PPM1L: variants seen among roughly 807,000 people sequenced by gnomAD.
PPM1L encodes the protein protein phosphatase, Mg2+/Mn2+ dependent 1L, also known as protein phosphatase 1L.
In PPM1L, 13 loss-of-function variants were observed where a neutral mutation model predicts 31.4. The ratio of observed to expected loss-of-function variants is 0.41; its 90% CI spans 0.27 to 0.66. PPM1L has a LOEUF of 0.66. Ranked by LOEUF, PPM1L falls within the 30% of genes least tolerant of loss-of-function variation. The pLI, the probability that PPM1L is intolerant of heterozygous loss-of-function variation, is 0.29. For missense variants in PPM1L, 326 were observed against 453.7 expected, an observed-to-expected ratio of 0.72 and a Z score of 2.56; for synonymous variants, 184 against 175.4, an observed-to-expected ratio of 1.05 and a Z score of -0.39.
Position 160,993,696 on chromosome 3 carries a change from C to T in PPM1L, c.574+31786C>T, listed in dbSNP as rs1421688222. Among the ~76,000 whole-genome samples, 4 of 152,114 alleles carry T rather than the reference C, an allele frequency of 2.6e-5. No homozygotes were observed. The East Asian group carries it at 7.7e-4, about 29-fold the overall frequency. ...AAGGTAAGCCTGACATGCCGCTAGA[C>T]ATGAGAACTGCAATAAGCAATCTCT... On this transcript the variant is annotated intron_variant, in intron 2 of 3. Coordinates refer to ENST00000498165, the MANE Select transcript of PPM1L (RefSeq NM_139245.4).
intron 1 of PPM1L, among the ~76,000 whole-genome samples, chr3:160,959,022 C>A (rs1328498565): frequency 6.6e-6 from 1 of 152,118 alleles, no homozygotes; most frequent in Non-Finnish European, 1.5e-5. Flanking sequence ...GCACAATTCA[C>A]AATTGCAAAA....
chr3:160,955,467 C>T (rs149469747), intron 1 of PPM1L, among the ~76,000 whole-genome samples: 64 of 152,056 alleles, frequency 4.2e-4, no homozygotes, highest in African/African-American at 1.3e-3. Context: ...TAATTTATCT[C>T]GGGATTCATG....
chr3:160,787,167 G>A (rs1165772925), intron 1 of PPM1L, among the ~76,000 whole-genome samples: 1 of 152,134 alleles, frequency 6.6e-6, no homozygotes. Context: ...TAAGCTCTTT[G>A]AGAAATCTCC....
intron 2 of PPM1L, among the ~76,000 whole-genome samples, chr3:160,995,374 G>A (rs1386519959): frequency 6.6e-6 from 1 of 152,092 alleles, no homozygotes; most frequent in African/African-American, 2.4e-5. Context: ...AGGCTGGAGT[G>A]AAATGGCACA....
Position 161,073,490 on chromosome 3 carries a change from A to T in PPM1L, c.*4333A>T, listed in dbSNP as rs1719998848. ...GTTAATAAAAGCAGTGTTAAGAAGTAGTATGACTTAATATGACCAACAGCA... is the reference window on the plus strand; with the variant it reads ...GTTAATAAAAGCAGTGTTAAGAAGTTGTATGACTTAATATGACCAACAGCA... On this transcript the variant is annotated 3_prime_UTR_variant, in exon 4 of 4. Coordinates refer to ENST00000498165, the MANE Select transcript of PPM1L (RefSeq NM_139245.4). The T allele has an allele frequency of 6.6e-6, 1 of 152,226 alleles. No individual in the cohort carries two copies. Among genetic ancestry groups the T allele is most frequent in the Admixed American group, 6.5e-5 (1 of 15,280 alleles). The allele number at this position is 152,226 out of a possible 1,614,324, so 9.4% of individuals were successfully genotyped here. A position where few individuals can be genotyped will look rare whatever the true frequency, so the allele number is the denominator to read the frequency against.
chr3:161,053,328 A>G (rs986174261), intron 2 of PPM1L, among the ~76,000 whole-genome samples: 1 of 152,156 alleles, frequency 6.6e-6, no homozygotes, highest in African/African-American at 2.4e-5. Flanking sequence ...ATGCCCAGAG[A>G]GTATATATGA....
At chr3:160,912,253 T>C (rs1714001625) in intron 1 of PPM1L, among the ~76,000 whole-genome samples, 1 of 152,188 alleles carries the variant, frequency 6.6e-6, no homozygotes, top group African/African-American at 2.4e-5. Context: ...GGCAAATTAT[T>C]ATACAAGGGG....
intron 2 of PPM1L, among the ~76,000 whole-genome samples, chr3:160,997,470 G>A (rs749935515): frequency 6.6e-6 from 1 of 152,210 alleles, no homozygotes; most frequent in Non-Finnish European, 1.5e-5. Flanking sequence ...TGGCAGAAAT[G>A]TGGATGGTGA....
intron 1 of PPM1L, among the ~76,000 whole-genome samples, chr3:160,829,561 A>G (rs1025083129): frequency 1.3e-5 from 2 of 152,122 alleles, no homozygotes; most frequent in Admixed American, 6.6e-5. Flanking sequence ...TGGACATCAG[A>G]TACAATTTAC....
chr3:160,957,399 A>G (rs1715809216), intron 1 of PPM1L, among the ~76,000 whole-genome samples: 1 of 152,138 alleles, frequency 6.6e-6, no homozygotes. Flanking sequence ...AATGATTTCT[A>G]TTCCTTTGGG....
chr3:161,018,522 A>C (rs1718149553), intron 2 of PPM1L, among the ~76,000 whole-genome samples: 1 of 152,190 alleles, frequency 6.6e-6, no homozygotes, highest in African/African-American at 2.4e-5. Flanking sequence ...TTGATGATAA[A>C]GATCATTTAA....
At chr3:160,843,468 A>ATATATATAT (rs1441660092) in intron 1 of PPM1L, among the ~76,000 whole-genome samples, 2 of 106,882 alleles carry the variant, frequency 1.9e-5, no homozygotes, top group Non-Finnish European at 3.9e-5. Context: ...ATATATATAT[A>ATATATATAT]TGTTTTTTTT....
intron 1 of PPM1L, among the ~76,000 whole-genome samples, chr3:160,908,806 C>T (rs1560147445): frequency 6.6e-6 from 1 of 152,122 alleles, no homozygotes. Flanking sequence ...TATAGGAGTG[C>T]ACAGAGTGAT....
chr3:160,840,845 T>C (rs1713855999), intron 1 of PPM1L, among the ~76,000 whole-genome samples: 1 of 150,866 alleles, frequency 6.6e-6, no homozygotes, highest in Non-Finnish European at 1.5e-5. Context: ...AAGAACATAT[T>C]TGCCTTTCTT....
At chr3:161,002,355 T>C (rs1188772582) in intron 2 of PPM1L, among the ~76,000 whole-genome samples, 1 of 152,178 alleles carries the variant, frequency 6.6e-6, no homozygotes, top group Non-Finnish European at 1.5e-5. Flanking sequence ...ATATACCCAG[T>C]AATGGGATGG....
At chr3:160,834,816 T>C (rs967348061) in intron 1 of PPM1L, among the ~76,000 whole-genome samples, 5 of 152,178 alleles carry the variant, frequency 3.3e-5, no homozygotes, top group African/African-American at 1.2e-4. Context: ...CCATAGTATG[T>C]TTAACCATTC....
chr3:160,969,949 A>C (rs1275323773), intron 2 of PPM1L, among the ~76,000 whole-genome samples: 2 of 152,176 alleles, frequency 1.3e-5, no homozygotes, highest in Non-Finnish European at 2.9e-5. Flanking sequence ...AACATAATCA[A>C]CATCTTTGGT....
Position 160,887,573 on chromosome 3 carries a change from CT to C in PPM1L, c.400-74151del, listed in dbSNP as rs58869949. ...GAAGAGATTGGGGGCTAATATTCAACTTTTTTTTTTTTCTTTTTTTTTTTTG... is the reference window on the plus strand; with the variant it reads ...GAAGAGATTGGGGGCTAATATTCAACTTTTTTTTTTTCTTTTTTTTTTTTG... On this transcript the variant is annotated intron_variant, in intron 1 of 3. Coordinates refer to ENST00000498165, the MANE Select transcript of PPM1L (RefSeq NM_139245.4). Among the ~76,000 whole-genome samples the C allele has an allele frequency of 4.4e-4, 63 of 142,628 alleles. 1 individual carries two copies. The highest frequency in any genetic ancestry group is 6.5e-4 in the South Asian group (3 of 4,610). The allele number at this position is 142,628 out of a possible 152,430, so 93.6% of individuals were successfully genotyped here.
chr3:160,909,183 G>A (rs1231277006), intron 1 of PPM1L, among the ~76,000 whole-genome samples: 1 of 152,208 alleles, frequency 6.6e-6, no homozygotes, highest in East Asian at 1.9e-4. Flanking sequence ...CAAGATGGAA[G>A]AGAATGGGGC....
Sources: allele counts gnomAD v4.1 joint callset (sites outside exome capture counted in the v4.1 genomes callset), GRCh38; gene constraint gnomAD v4.1.1; transcripts MANE v1.5; gene names NCBI Gene and HGNC (gene_info 2026-07-23, HGNC 2026-07-21).